The following RHBDD1 variants were observed in gnomAD, a reference collection of about 807,000 sequenced individuals.
RHBDD1 encodes rhomboid-related protein 4.
A neutral mutation model predicts 36.3 loss-of-function variants in RHBDD1; 38 were observed. The observed-to-expected ratio is 1.05, with a 90% confidence interval of 0.81 to 1.37. The LOEUF (loss-of-function observed/expected upper bound fraction) is 1.37, where lower values mean the gene tolerates loss of function less well. Ranked by LOEUF, RHBDD1 falls within the 40% of genes most tolerant of loss-of-function variation. The pLI is 0.00. For missense variants in RHBDD1, 393 were observed against 377.6 expected (o/e 1.04, Z -0.34); for synonymous variants, 151 against 136.5 (o/e 1.11, Z -0.74).
At chr2:226,989,710 C>G (rs1957756028) in intron 8 of RHBDD1, among the ~76,000 whole-genome samples, 4 of 152,102 alleles carry the variant, frequency 2.6e-5, no homozygotes. Flanking sequence ...ATAGCTTACT[C>G]GATTGTTAAC....
At chr2:226,848,346 A>G (rs919186487) in intron 3 of RHBDD1, among the ~76,000 whole-genome samples, 4 of 152,222 alleles carry the variant, frequency 2.6e-5, no homozygotes, top group African/African-American at 9.6e-5. Context: ...GTGTAATGGA[A>G]GTCACCAGGT....
chr2:226,811,916 A>C, the RHBDD1 span, among the ~76,000 whole-genome samples: 2 of 152,240 alleles, frequency 1.3e-5, no homozygotes, highest in Non-Finnish European at 2.9e-5. Flanking sequence ...AGTCATGCGG[A>C]CACAGCAGGG....
chr2:226,822,472 T>TA, the RHBDD1 span, among the ~76,000 whole-genome samples: 63 of 151,690 alleles, frequency 4.2e-4, no homozygotes, highest in Admixed American at 6.6e-4. Flanking sequence ...CTGTCTCTAC[T>TA]AAAAATACAA....
intron 7 of RHBDD1, among the ~76,000 whole-genome samples, chr2:226,913,284 T>C (rs1185841623): frequency 6.6e-6 from 1 of 152,176 alleles, no homozygotes; most frequent in Admixed American, 6.5e-5. Flanking sequence ...CAAACCACAT[T>C]ATTTAAATAT....
rs990795117 is a variant in RHBDD1 at position 226,997,064 on chromosome 2, A to G, written c.*1542A>G. 6.6e-6 allele frequency: 1 copy of G among 152,178 alleles called. No individual in the cohort carries two copies. Among genetic ancestry groups the G allele is most frequent in the African/African-American group, 2.4e-5 (1 of 41,428 alleles). 9.4% of individuals were successfully genotyped at this position (152,178 alleles called of 1,614,324 possible). The stretch of plus-strand genomic sequence containing the variant: ...AGTTTTGTGTCCAAATCCAATCTGA[A>G]TTTACCTGGAAGAGGCCTTGACACC... On this transcript the variant is annotated 3_prime_UTR_variant, in exon 9 of 9. Coordinates refer to ENST00000392062, the MANE Select transcript of RHBDD1 (RefSeq NM_001167608.3).
chr2:226,832,849 A>C (rs926012063), upstream of RHBDD1, among the ~76,000 whole-genome samples: 13 of 152,170 alleles, frequency 8.5e-5, no homozygotes, highest in African/African-American at 2.7e-4. Flanking sequence ...CTCTACTAAA[A>C]AAATACAAAA....
chr2:226,806,382 T>C, the RHBDD1 span, among the ~76,000 whole-genome samples: 1 of 152,302 alleles, frequency 6.6e-6, no homozygotes, highest in African/African-American at 2.4e-5. Context: ...GGTCAATGTG[T>C]AGTTCCCCCA....
intron 8 of RHBDD1, among the ~76,000 whole-genome samples, chr2:226,982,006 G>A (rs1467961049): frequency 6.6e-6 from 1 of 152,234 alleles, no homozygotes; most frequent in Non-Finnish European, 1.5e-5. Flanking sequence ...ACAAGCTGCT[G>A]CCTCTCAAAA....
intron 8 of RHBDD1, among the ~76,000 whole-genome samples, chr2:226,923,641 G>A (rs2125789829): frequency 6.6e-6 from 1 of 151,836 alleles, no homozygotes; most frequent in East Asian, 1.9e-4. Context: ...TCCTCTTTCA[G>A]GCCAGTAACA....
At chr2:226,992,725 A>G (rs1243104122) in intron 8 of RHBDD1, among the ~76,000 whole-genome samples, 2 of 152,204 alleles carry the variant, frequency 1.3e-5, no homozygotes, top group Non-Finnish European at 2.9e-5. Flanking sequence ...AAGAAAAGGG[A>G]CACTGGGTTT....
At chr2:226,817,415 G>A in the RHBDD1 span, among the ~76,000 whole-genome samples, 1 of 152,128 alleles carries the variant, frequency 6.6e-6, no homozygotes, top group Admixed American at 6.5e-5. Flanking sequence ...AAAAATAACT[G>A]GGCACCGATC....
intron 3 of RHBDD1, among the ~76,000 whole-genome samples, chr2:226,851,809 T>A (rs1436020015): frequency 6.6e-6 from 1 of 152,232 alleles, no homozygotes; most frequent in African/African-American, 2.4e-5. Context: ...GCAGTTCCCT[T>A]CCTCAGCCTT....
intron 8 of RHBDD1, among the ~76,000 whole-genome samples, chr2:226,943,439 A>G (rs1426198217): frequency 6.6e-6 from 1 of 152,222 alleles, no homozygotes; most frequent in Non-Finnish European, 1.5e-5. Flanking sequence ...AAACCAGAAC[A>G]ATCCAAAGCC....
At chr2:226,914,057 A>G (rs1047964310) in intron 7 of RHBDD1, 151 bp from the exon 8 acceptor site, 6 of 661,322 alleles carry the variant, frequency 9.1e-6, no homozygotes, top group African/African-American at 3.7e-5. Context: ...TAACAAGACA[A>G]TCACCATTTG....
chr2:226,814,256 CAAG>C, the RHBDD1 span, among the ~76,000 whole-genome samples: 1 of 151,698 alleles, frequency 6.6e-6, no homozygotes, highest in African/African-American at 2.4e-5. Context: ...ACAGTCTTTC[CAAG>C]AAGAAGAGAG....
chr2:226,991,482 T>C (rs1375975717), intron 8 of RHBDD1, among the ~76,000 whole-genome samples: 2 of 152,238 alleles, frequency 1.3e-5, no homozygotes, highest in Non-Finnish European at 2.9e-5. Context: ...GCCCAGCCCA[T>C]TTTGTATATC....
At chr2:226,952,227 A>G (rs973578397) in intron 8 of RHBDD1, among the ~76,000 whole-genome samples, 10 of 149,598 alleles carry the variant, frequency 6.7e-5, no homozygotes, top group Admixed American at 1.3e-4. Context: ...TTATTTTTGT[A>G]TCTCCCAAAA....
At position 226,953,814 on chromosome 2, in the gene RHBDD1, C is replaced by T. The variant is rs566328431; in HGVS notation, c.856+39463C>T. Among the ~76,000 whole-genome samples, 3 of 152,280 alleles carry T rather than the reference C, an allele frequency of 2.0e-5. No homozygotes were observed. The East Asian group carries it at 5.8e-4, about 29-fold the overall frequency. On this transcript the variant is annotated intron_variant, in intron 8 of 8. Transcript: ENST00000392062. The stretch of plus-strand genomic sequence containing the variant: ...TTAAGTTTTAATGGGTTCCAGCGAT[C>T]ATTTTGGTGATGCGTTCTTAAGACC...
intron 8 of RHBDD1, among the ~76,000 whole-genome samples, chr2:226,943,997 G>A (rs538296462): frequency 1.3e-5 from 2 of 152,324 alleles, no homozygotes; most frequent in South Asian, 2.1e-4. Context: ...GGCCATTGTT[G>A]ACAGGCCATT....
Sources: allele counts gnomAD v4.1 joint callset (sites outside exome capture counted in the v4.1 genomes callset), GRCh38; gene constraint gnomAD v4.1.1; transcripts MANE v1.5; gene names NCBI Gene and HGNC (gene_info 2026-07-23, HGNC 2026-07-21).